The following TDRD5 variants were observed in gnomAD, a reference collection of about 807,000 sequenced individuals.
The protein encoded by TDRD5 is tudor domain-containing protein 5.
TDRD5 carries 41 observed loss-of-function variants against 120.6 expected under a neutral mutation model. That is an observed-to-expected ratio of 0.34 (90% CI 0.26 to 0.44). The LOEUF is 0.44. Among genes scored for constraint, TDRD5 ranks in the 20% least tolerant of loss-of-function variants. The pLI is 1.00. For synonymous variants in TDRD5, 430 were observed against 433.7 expected, an observed-to-expected ratio of 0.99 and a Z score of 0.11; for missense variants, 1,006 against 1,221.2, an observed-to-expected ratio of 0.82 and a Z score of 2.63.
At chr1:179,649,704 A>G (rs1045220362) in intron 11 of TDRD5, among the ~76,000 whole-genome samples, 8 of 152,222 alleles carry the variant, frequency 5.3e-5, no homozygotes, top group African/African-American at 1.7e-4. Flanking sequence ...AATATCTAAA[A>G]TTGAGGATTT....
At chr1:179,657,712 G>T (rs913334202) in intron 14 of TDRD5, among the ~76,000 whole-genome samples, 2 of 151,838 alleles carry the variant, frequency 1.3e-5, no homozygotes, top group African/African-American at 4.8e-5. Flanking sequence ...TGTTTGTGTG[G>T]ATCTTTATTT....
rs1292450141 is a variant in TDRD5 at position 179,638,153 on chromosome 1, G to GGGACTCTGTTGCTAGAGAAAAGGGA, written c.1521-1686_1521-1685insGGACTCTGTTGCTAGAGAAAAGGGA. ...AAAAGCTAGATTCTGAATACCATGG[G>GGGACTCTGTTGCTAGAGAAAAGGGA]AAGATGTTTTCTCTTATTCTGGGGA... is the stretch of plus-strand genomic sequence containing the variant. On this transcript the variant is annotated intron_variant, in intron 9 of 17. Transcript: ENST00000444136. 1.2e-3 allele frequency among the ~76,000 whole-genome samples: 161 copies of GGGACTCTGTTGCTAGAGAAAAGGGA among 133,106 alleles called. 6 individuals are homozygous for GGGACTCTGTTGCTAGAGAAAAGGGA. The highest frequency in any genetic ancestry group is 2.2e-3 in the South Asian group (9 of 4,078). 87.3% of individuals were successfully genotyped at this position (133,106 alleles called of 152,430 possible).
intron 4 of TDRD5, among the ~76,000 whole-genome samples, chr1:179,598,508 A>G (rs1675528413): frequency 6.6e-6 from 1 of 152,186 alleles, no homozygotes; most frequent in South Asian, 2.1e-4. Flanking sequence ...AGCATGGTAT[A>G]TCTTCATTTA....
intron 4 of TDRD5, among the ~76,000 whole-genome samples, chr1:179,615,172 T>A (rs370875396): frequency 4.5e-4 from 69 of 152,282 alleles, no homozygotes; most frequent in African/African-American, 1.6e-3. Flanking sequence ...ATATGATCGA[T>A]TCAGGTCTAT....
chr1:179,664,368 T>C (rs1172823392), intron 16 of TDRD5, among the ~76,000 whole-genome samples: 1 of 152,156 alleles, frequency 6.6e-6, no homozygotes, highest in African/African-American at 2.4e-5. Context: ...AATTCAATGT[T>C]TTTAGGATAC....
intron 7 of TDRD5, among the ~76,000 whole-genome samples, chr1:179,631,328 C>T (rs1470771325): frequency 1.3e-5 from 2 of 152,060 alleles, no homozygotes; most frequent in Non-Finnish European, 2.9e-5. Flanking sequence ...GGAGGCGGAG[C>T]TTGCCGGGAG....
intron 6 of TDRD5, among the ~76,000 whole-genome samples, chr1:179,628,786 A>T (rs1460560356): frequency 6.6e-6 from 1 of 152,230 alleles, no homozygotes; most frequent in Non-Finnish European, 1.5e-5. Context: ...AATTGAAAAA[A>T]GCAAGATGTA....
chr1:179,679,778 C>G (rs1396351455), intron 17 of TDRD5, among the ~76,000 whole-genome samples: 1 of 151,826 alleles, frequency 6.6e-6, no homozygotes, highest in Non-Finnish European at 1.5e-5. Context: ...TCTCAAATAA[C>G]CAGATTTTTG....
intron 11 of TDRD5, among the ~76,000 whole-genome samples, chr1:179,646,074 A>T (rs1678347466): frequency 6.6e-6 from 1 of 152,168 alleles, no homozygotes; most frequent in Non-Finnish European, 1.5e-5. Flanking sequence ...TAATTGAATT[A>T]TCTGGGTTTA....
chr1:179,612,113 G>C (rs910289921), intron 4 of TDRD5, among the ~76,000 whole-genome samples: 9 of 152,150 alleles, frequency 5.9e-5, no homozygotes, highest in African/African-American at 2.2e-4. Context: ...AAATTAAAGT[G>C]TAAACTTTTT....
chr1:179,622,125 T>C (rs1000184549), intron 6 of TDRD5, among the ~76,000 whole-genome samples: 6 of 152,212 alleles, frequency 3.9e-5, no homozygotes, highest in African/African-American at 1.4e-4. Flanking sequence ...AATAAGGCAC[T>C]TAGAACAGTG....
chr1:179,598,656 C>T (rs908474127), intron 4 of TDRD5, among the ~76,000 whole-genome samples: 16 of 150,416 alleles, frequency 1.1e-4, no homozygotes, highest in African/African-American at 3.7e-4. Flanking sequence ...CTAATCATTG[C>T]TAATAGAAAA....
intron 14 of TDRD5, among the ~76,000 whole-genome samples, chr1:179,659,562 TG>T (rs1679178206): frequency 4.5e-5 from 6 of 133,816 alleles, no homozygotes; most frequent in African/African-American, 1.6e-4. Context: ...TGTGTGTGTG[TG>T]TGTGTGTGTG....
chr1:179,626,586 C>A (rs112208482), intron 6 of TDRD5, among the ~76,000 whole-genome samples: 23 of 152,166 alleles, frequency 1.5e-4, no homozygotes, highest in African/African-American at 5.1e-4. Context: ...TACGTGCTGG[C>A]CTATTTTGGG....
intron 4 of TDRD5, among the ~76,000 whole-genome samples, chr1:179,613,956 G>T (rs1018573499): frequency 6.6e-6 from 1 of 152,166 alleles, no homozygotes; most frequent in African/African-American, 2.4e-5. Context: ...ATGGCCAAAA[G>T]GTCTGAAGTA....
At chr1:179,682,528 G>A (rs958043514) in intron 17 of TDRD5, among the ~76,000 whole-genome samples, 2 of 152,022 alleles carry the variant, frequency 1.3e-5, no homozygotes, top group African/African-American at 4.8e-5. Context: ...TGAGAATGAT[G>A]GTTTCCAGCT....
intron 16 of TDRD5, 55 bp downstream of exon 16, chr1:179,663,546 T>G: frequency 6.5e-7 from 1 of 1,538,384 alleles, no homozygotes; most frequent in Non-Finnish European, 8.7e-7. Context: ...GTCCTTTCAT[T>G]TTTAGAAAGC....
At position 179,663,495 on chromosome 1, in the gene TDRD5, A is replaced by G. The variant is rs185617186; in HGVS notation, c.2649+4A>G. ...TGGCACAAACAGGACTCAAAAGGTA[A>G]ATGTCTAATGCAGGTTATTGGGACA... On this transcript the variant is annotated splice_donor_region_variant and intron_variant, in intron 16 of 17. Transcript: ENST00000444136. 3.1e-6 allele frequency: 5 copies of G among 1,607,992 alleles called. No individual in the cohort carries two copies. The highest frequency in any genetic ancestry group is 3.4e-5 in the Admixed American group (2 of 58,364).
intron 14 of TDRD5, among the ~76,000 whole-genome samples, chr1:179,660,815 C>T (rs1679271943): frequency 6.6e-6 from 1 of 152,158 alleles, no homozygotes; most frequent in South Asian, 2.1e-4. Context: ...TCCAAGTTTC[C>T]TTCTGATATC....
Sources: gnomAD v4.1 joint callset for allele counts (sites outside exome capture counted in the v4.1 genomes callset) on GRCh38, gnomAD v4.1.1 for gene constraint, MANE v1.5 for transcripts, NCBI Gene and HGNC (gene_info 2026-07-23, HGNC 2026-07-21) for gene names.